Variants in OR14I1 observed in about 807,000 individuals in gnomAD.
OR14I1 encodes the protein olfactory receptor 14I1.
For synonymous variants in OR14I1, 118 were observed against 71.1 expected (o/e 1.66, Z -3.32); for missense variants, 279 against 181.8 (o/e 1.53, Z -3.07).
At chr1:248,694,003 T>A in the OR14I1 span, among the ~76,000 whole-genome samples, 9 of 152,068 alleles carry the variant, frequency 5.9e-5, no homozygotes, top group Non-Finnish European at 1.2e-4. Context: ...TGGCACACAC[T>A]CTAATAATTT....
At chr1:248,700,052 G>T in the OR14I1 span, among the ~76,000 whole-genome samples, 7 of 152,036 alleles carry the variant, frequency 4.6e-5, no homozygotes, top group Non-Finnish European at 8.8e-5. Context: ...GAGCCACCGC[G>T]TCCGGCCCAC....
the OR14I1 span, among the ~76,000 whole-genome samples, chr1:248,695,096 CAT>C: frequency 2.2e-3 from 341 of 152,162 alleles, 3 homozygotes; most frequent in African/African-American, 7.5e-3. Flanking sequence ...GGATATGAGA[CAT>C]ATTGCTGAGA....
downstream of OR14I1, among the ~76,000 whole-genome samples, chr1:248,680,742 A>G (rs962619603): frequency 4.6e-5 from 7 of 152,218 alleles, no homozygotes; most frequent in African/African-American, 1.4e-4. Context: ...CACATTGAAT[A>G]CTAACACAAA....
At chr1:248,696,872 T>A in the OR14I1 span, among the ~76,000 whole-genome samples, 3 of 152,236 alleles carry the variant, frequency 2.0e-5, no homozygotes, top group African/African-American at 7.2e-5. Flanking sequence ...CTAGTGTTAT[T>A]GGATGCGTTT....
At chr1:248,701,175 G>A in the OR14I1 span, among the ~76,000 whole-genome samples, 30 of 150,892 alleles carry the variant, frequency 2.0e-4, no homozygotes, top group South Asian at 5.2e-3. Flanking sequence ...TTTTTGAGAC[G>A]GAGTCTCTCT....
the OR14I1 span, among the ~76,000 whole-genome samples, chr1:248,695,712 A>C: frequency 9.9e-5 from 15 of 152,116 alleles, no homozygotes; most frequent in African/African-American, 3.6e-4. Flanking sequence ...AGGCCTCAGC[A>C]CTGCCTTCCC....
chr1:248,679,767 A>G (rs1189206030), downstream of OR14I1, among the ~76,000 whole-genome samples: 1 of 152,168 alleles, frequency 6.6e-6, no homozygotes, highest in African/African-American at 2.4e-5. Context: ...ATCCTGGGCC[A>G]TTGGCTTCTC....
the OR14I1 span, among the ~76,000 whole-genome samples, chr1:248,693,752 C>T: frequency 6.6e-6 from 1 of 151,106 alleles, no homozygotes; most frequent in Admixed American, 6.6e-5. Context: ...AACCCAGCCC[C>T]ACTGATTTTT....
At chr1:248,683,800 G>A (rs1307630576), upstream of OR14I1, among the ~76,000 whole-genome samples, 1 of 152,240 alleles carries the variant, frequency 6.6e-6, no homozygotes, top group Non-Finnish European at 1.5e-5. Flanking sequence ...TTCGGAGGTT[G>A]AGGTAGGTGG....
At chr1:248,679,134 A>G (rs1002401009), downstream of OR14I1, among the ~76,000 whole-genome samples, 1 of 152,214 alleles carries the variant, frequency 6.6e-6, no homozygotes, top group African/African-American at 2.4e-5. Context: ...GTTGAATGCC[A>G]GGGGCTCTGG....
upstream of OR14I1, among the ~76,000 whole-genome samples, chr1:248,683,270 A>G (rs1239517224): frequency 6.6e-6 from 1 of 152,148 alleles, no homozygotes; most frequent in Non-Finnish European, 1.5e-5. Context: ...TTTTTTCTAT[A>G]TATTGTTTAT....
At chr1:248,684,067 C>T (rs1438608342), upstream of OR14I1, among the ~76,000 whole-genome samples, 3 of 151,988 alleles carry the variant, frequency 2.0e-5, no homozygotes, top group African/African-American at 7.2e-5. Flanking sequence ...TACTGTCACA[C>T]AAAGTCAAGT....
the OR14I1 span, among the ~76,000 whole-genome samples, chr1:248,701,245 G>A: frequency 2.6e-5 from 4 of 152,140 alleles, no homozygotes; most frequent in African/African-American, 9.6e-5. Flanking sequence ...TCTGCCTTAT[G>A]GGTTCAAGCG....
the OR14I1 span, chr1:248,698,787 G>A: frequency 2.0e-5 from 3 of 152,244 alleles, no homozygotes; most frequent in East Asian, 5.8e-4. Flanking sequence ...CTCCAGCCCA[G>A]TCTGTATGAG....
At chr1:248,695,557 A>G in the OR14I1 span, among the ~76,000 whole-genome samples, 1 of 152,194 alleles carries the variant, frequency 6.6e-6, no homozygotes, top group South Asian at 2.1e-4. Context: ...TTAAAATTAC[A>G]TTTGGATTGT....
At chr1:248,692,711 G>C in the OR14I1 span, 1 of 49,606 alleles carries the variant, frequency 2.0e-5, no homozygotes, top group Non-Finnish European at 6.1e-5. Context: ...GTTGCCTTCT[G>C]ATCAACCACT....
chr1:248,692,878 A>G, the OR14I1 span: 1 of 152,250 alleles, frequency 6.6e-6, no homozygotes, highest in African/African-American at 2.4e-5. Context: ...ATAAGCTCTC[A>G]TTAAAGAGAG....
exon 1 of OR14I1, chr1:248,681,793 A>T: frequency 1.3e-6 from 1 of 781,110 alleles, no homozygotes; most frequent in Non-Finnish European, 2.4e-6. Flanking sequence ...CTGGTGGATC[A>T]CACTGGATCT....
the OR14I1 span, among the ~76,000 whole-genome samples, chr1:248,695,228 CTTT>C: frequency 2.5e-4 from 24 of 96,732 alleles, no homozygotes; most frequent in Admixed American, 2.2e-3. Flanking sequence ...TGAATGTATG[CTTT>C]TTTTTTTTTT....
Sources: gnomAD v4.1 joint callset for allele counts (sites outside exome capture counted in the v4.1 genomes callset) on GRCh38, gnomAD v4.1.1 for gene constraint, MANE v1.5 for transcripts, NCBI Gene and HGNC (gene_info 2026-07-23, HGNC 2026-07-21) for gene names.